Variants in HECW1 observed in about 807,000 individuals in gnomAD.
HECW1 encodes HECT, C2 and WW domain containing E3 ubiquitin protein ligase 1, also known as E3 ubiquitin-protein ligase HECW1.
HECW1 carries 61 observed loss-of-function variants against 182.3 expected under a neutral mutation model. That is an observed-to-expected ratio of 0.33 (90% CI 0.27 to 0.41). The LOEUF (loss-of-function observed/expected upper bound fraction) is 0.41. Ranked by LOEUF, HECW1 falls within the 10% of genes least tolerant of loss-of-function variation. The probability of loss-of-function intolerance (pLI) is 1.00; values close to 1 mark genes in which losing one functional copy is unlikely to be tolerated. For missense variants in HECW1, 1,739 were observed against 2,108.9 expected (o/e 0.82, Z 3.44); for synonymous variants, 859 against 832.6 (o/e 1.03, Z -0.55).
chr7:43,330,113 G>A (rs1357590154), intron 5 of HECW1, among the ~76,000 whole-genome samples: 1 of 152,170 alleles, frequency 6.6e-6, no homozygotes, highest in East Asian at 1.9e-4. Context: ...TTGAGAGGCG[G>A]GGTCCATGTC....
chr7:43,147,693 A>G (rs755248665), intron 2 of HECW1: 1 of 152,166 alleles, frequency 6.6e-6, no homozygotes, highest in Non-Finnish European at 1.5e-5. Flanking sequence ...CCATCTCCCA[A>G]CTAGGGTTCT....
chr7:43,559,176 C>G (rs1205445964), intron 29 of HECW1, among the ~76,000 whole-genome samples: 4 of 152,184 alleles, frequency 2.6e-5, no homozygotes, highest in Non-Finnish European at 5.9e-5. Context: ...GGGAGATCAA[C>G]TGTGTAGATG....
At chr7:43,336,265 A>G (rs1812274606) in intron 5 of HECW1, among the ~76,000 whole-genome samples, 1 of 146,686 alleles carries the variant, frequency 6.8e-6, no homozygotes, top group African/African-American at 2.5e-5. Context: ...TCAAGGGCTC[A>G]AGTGATCCTC....
At chr7:43,546,972 C>A (rs560496872) in intron 26 of HECW1, among the ~76,000 whole-genome samples, 1 of 152,076 alleles carries the variant, frequency 6.6e-6, no homozygotes, top group South Asian at 2.1e-4. Flanking sequence ...CTGTACAGGC[C>A]GATATCCTTT....
At chr7:43,161,716 G>A (rs1790545326) in intron 2 of HECW1, 1 of 151,852 alleles carries the variant, frequency 6.6e-6, no homozygotes, top group African/African-American at 2.4e-5. Flanking sequence ...AACTTCCAAG[G>A]TCTCTGTATC....
At chr7:43,248,277 C>T (rs1321923699) in intron 3 of HECW1, among the ~76,000 whole-genome samples, 2 of 152,256 alleles carry the variant, frequency 1.3e-5, no homozygotes, top group African/African-American at 2.4e-5. Flanking sequence ...GGCATTGTTA[C>T]ATCAGTCTCC....
chr7:43,123,253 C>T (rs543485207), intron 2 of HECW1, among the ~76,000 whole-genome samples: 4 of 152,272 alleles, frequency 2.6e-5, no homozygotes, highest in East Asian at 1.9e-4. Flanking sequence ...ATATTGCTTC[C>T]GGAGGAGCTA....
chr7:43,140,442 G>T (rs1010593726), intron 2 of HECW1, among the ~76,000 whole-genome samples: 3 of 152,134 alleles, frequency 2.0e-5, no homozygotes, highest in African/African-American at 7.2e-5. Flanking sequence ...TTTCCCATTG[G>T]TTAAGGGTAT....
rs1786748121 is a variant in HECW1 at position 43,130,150 on chromosome 7, C to A, written c.-32+15759C>A. 2.0e-5 allele frequency among the ~76,000 whole-genome samples: 3 copies of A among 152,248 alleles called. No homozygotes were observed. In the South Asian group the frequency reaches 6.2e-4, roughly 32 times the overall value. ...TTAAGCACTCAAAAACACCTATGTT[C>A]ATTTAGCAATATATTAGATGCATTT... On this transcript the variant is annotated intron_variant, in intron 2 of 29. Transcript: ENST00000395891.
At chr7:43,267,310 T>C (rs1197196681) in intron 3 of HECW1, among the ~76,000 whole-genome samples, 1 of 152,106 alleles carries the variant, frequency 6.6e-6, no homozygotes, top group East Asian at 1.9e-4. Flanking sequence ...AATTAGACAT[T>C]AATGATTTTT....
chr7:43,388,522 A>C (rs1158057948), intron 6 of HECW1, among the ~76,000 whole-genome samples: 1 of 152,236 alleles, frequency 6.6e-6, no homozygotes, highest in Admixed American at 6.5e-5. Context: ...AACGTGAAGC[A>C]GTGGGTGCTT....
chr7:43,562,650 A>C lies in HECW1; in HGVS notation c.*724A>C, dbSNP rs1359405499. On this transcript the variant is annotated 3_prime_UTR_variant, in exon 30 of 30. Coordinates refer to ENST00000395891, the MANE Select transcript of HECW1 (RefSeq NM_015052.5). Reference sequence around the variant, plus strand: ...GTTGTGGGGATTGTGGGCTCAACTCAAGAGAAGTTTAGGAGGGGGAGCATC... The same window carrying C: ...GTTGTGGGGATTGTGGGCTCAACTCCAGAGAAGTTTAGGAGGGGGAGCATC... The C allele has an allele frequency of 4.4e-6, 1 of 226,142 alleles. No individual in the cohort carries two copies. Among genetic ancestry groups the C allele is most frequent in the African/African-American group, 2.2e-5 (1 of 44,974 alleles). The allele number at this position is 226,142 out of a possible 1,614,324, so 14.0% of individuals were successfully genotyped here.
rs555720542 is a variant in HECW1 at position 43,290,664 on chromosome 7, C to T, written c.28-21099C>T. Among the ~76,000 whole-genome samples the T allele has an allele frequency of 5.8e-4, 89 of 152,342 alleles. 1 individual carries two copies. Among genetic ancestry groups the T allele is most frequent in the African/African-American group, 2.1e-3 (88 of 41,576 alleles). On this transcript the variant is annotated intron_variant, in intron 3 of 29. Transcript: ENST00000395891. Reference sequence around the variant, plus strand: ...ATGTCTGAATTTTATTTTTGGTTTACAGTCCCTAGGAGCTTGACAGGGACG... The same window carrying T: ...ATGTCTGAATTTTATTTTTGGTTTATAGTCCCTAGGAGCTTGACAGGGACG...
intron 5 of HECW1, among the ~76,000 whole-genome samples, chr7:43,339,242 T>C (rs1276108490): frequency 6.6e-6 from 1 of 152,204 alleles, no homozygotes; most frequent in Non-Finnish European, 1.5e-5. Flanking sequence ...TCCAATTACA[T>C]ACGGTGGATC....
rs753620578 is a variant in HECW1, at chr7:43,562,272, T to C, written c.*346T>C. The C allele has an allele frequency of 2.0e-5, 5 of 250,620 alleles. No homozygotes were observed. The highest frequency in any genetic ancestry group is 2.3e-5 in the Non-Finnish European group (3 of 129,648). 15.5% of individuals were successfully genotyped at this position (250,620 alleles called of 1,614,324 possible). On this transcript the variant is annotated 3_prime_UTR_variant, in exon 30 of 30. Coordinates refer to ENST00000395891, the MANE Select transcript of HECW1 (RefSeq NM_015052.5). The stretch of plus-strand genomic sequence containing the variant: ...TGACCAAATGGTAATAAATGTTTAC[T>C]TCCATTTCTATCATTGAAGGGAAAA...
chr7:43,114,039 G>A, intron 1 of HECW1, 118 bp from the exon 2 acceptor site: 1 of 406,528 alleles, frequency 2.5e-6, no homozygotes, highest in South Asian at 2.5e-5. Flanking sequence ...AGCATGTGGG[G>A]ATTTTCCTAG....
In HECW1 at chr7:43,423,942, G is replaced by C. The variant is rs955710522; in HGVS notation, c.802-14061G>C. On this transcript the variant is annotated intron_variant, in intron 8 of 29. Transcript: ENST00000395891. Reference sequence around the variant, plus strand: ...TCTAAGCAGATTTCTAAGCACGAAGGCTTCAGAAAAACAGAAACCAGGTAC... The same window carrying C: ...TCTAAGCAGATTTCTAAGCACGAAGCCTTCAGAAAAACAGAAACCAGGTAC... Among the ~76,000 whole-genome samples the C allele has an allele frequency of 5.3e-5, 8 of 152,318 alleles. No individual in the cohort carries two copies. The South Asian group carries it at 8.3e-4, about 16-fold the overall frequency.
intron 24 of HECW1, among the ~76,000 whole-genome samples, chr7:43,520,981 T>C (rs10263891): frequency 6.6e-6 from 1 of 152,106 alleles, no homozygotes; most frequent in Admixed American, 6.5e-5. Context: ...ACCCTTCAGG[T>C]CCTGAGGCAG....
chr7:43,411,728 T>C (rs11766157), intron 8 of HECW1, among the ~76,000 whole-genome samples: 21,294 of 152,222 alleles, frequency 0.14, 1,800 homozygotes, highest in Middle Eastern at 0.23. Flanking sequence ...TTCTTTATTT[T>C]TGGTAGTGCT....
Sources: allele counts gnomAD v4.1 joint callset (sites outside exome capture counted in the v4.1 genomes callset), GRCh38; gene constraint gnomAD v4.1.1; transcripts MANE v1.5; gene names NCBI Gene and HGNC (gene_info 2026-07-23, HGNC 2026-07-21).